Variants in CDC14A observed in about 807,000 individuals in gnomAD.
CDC14A encodes the protein dual specificity protein phosphatase CDC14A.
Under a neutral mutation model 74.4 loss-of-function variants are expected in CDC14A, and 53 were observed. The observed-to-expected ratio is 0.71, with a 90% CI of 0.57 to 0.89. CDC14A has a LOEUF of 0.89. Among genes scored for constraint, CDC14A ranks in the 40% least tolerant of loss-of-function variants. The pLI, the probability that CDC14A is intolerant of heterozygous loss-of-function variation, is 0.00. For missense variants in CDC14A, 646 were observed against 713.7 expected (o/e 0.91, Z 1.08); for synonymous variants, 247 against 258.4 (o/e 0.96, Z 0.43).
In CDC14A at chr1:100,519,658, A is replaced by G. The variant is rs1650530575; in HGVS notation, c.*1378A>G. ...CATGTTTTATGTTTTTAAAAAAGGC[A>G]TTTGAATGAATGTTTGACTCAGGTT... On this transcript the variant is annotated 3_prime_UTR_variant, in exon 16 of 16. Transcript: ENST00000336454. 1 of 152,568 alleles carries G rather than the reference A, an allele frequency of 6.6e-6. No individual in the cohort carries two copies. Among genetic ancestry groups the G allele is most frequent in the South Asian group, 2.1e-4 (1 of 4,834 alleles). The allele number at this position is 152,568 out of a possible 1,614,324, so 9.5% of individuals were successfully genotyped here.
At chr1:100,351,049 C>G (rs1468780945), upstream of CDC14A, among the ~76,000 whole-genome samples, 1 of 152,106 alleles carries the variant, frequency 6.6e-6, no homozygotes, top group Admixed American at 6.5e-5. Context: ...CAAAAATTAG[C>G]CGGGTGTGGT....
At chr1:100,490,801 T>G (rs571476446) in intron 11 of CDC14A, among the ~76,000 whole-genome samples, 1 of 152,144 alleles carries the variant, frequency 6.6e-6, no homozygotes, top group Non-Finnish European at 1.5e-5. Flanking sequence ...CATAAAAAAA[T>G]TCTACTTCCC....
chr1:100,447,607 A>T (rs934037897), intron 7 of CDC14A, among the ~76,000 whole-genome samples: 1 of 152,232 alleles, frequency 6.6e-6, no homozygotes, highest in Non-Finnish European at 1.5e-5. Context: ...TTTCAAATCT[A>T]GTTCAGAAAA....
chr1:100,491,546 C>CTATATATATATATA (rs1300450625), intron 11 of CDC14A, among the ~76,000 whole-genome samples: 1 of 39,926 alleles, frequency 2.5e-5, no homozygotes, highest in Non-Finnish European at 5.6e-5. Flanking sequence ...CTCTCTCTCT[C>CTATATATATATATA]TCTATATATA....
chr1:100,409,729 G>A (rs1462678682), intron 4 of CDC14A, among the ~76,000 whole-genome samples: 1 of 152,164 alleles, frequency 6.6e-6, no homozygotes, highest in African/African-American at 2.4e-5. Flanking sequence ...CAAGGTTGCA[G>A]TTGCAAGGCT....
intron 5 of CDC14A, among the ~76,000 whole-genome samples, chr1:100,425,403 T>C (rs1052828262): frequency 6.6e-6 from 1 of 152,190 alleles, no homozygotes; most frequent in Non-Finnish European, 1.5e-5. Flanking sequence ...GTCTTCCTCA[T>C]TCTGCTGTAA....
At position 100,469,880 on chromosome 1, in the gene CDC14A, G is replaced by C. The variant is rs574434228; in HGVS notation, c.977+1786G>C. 8.5e-5 allele frequency among the ~76,000 whole-genome samples: 13 copies of C among 152,262 alleles called. No individual in the cohort carries two copies. The South Asian group carries it at 2.3e-3, about 27-fold the overall frequency. On this transcript the variant is annotated intron_variant, in intron 10 of 15. Coordinates refer to ENST00000336454, the MANE Select transcript of CDC14A (RefSeq NM_003672.4). ...TCTCTGCCATATCTCAAAATAGTAA[G>C]AGAAGAAATTAGAGTTATGAGGCAA...
chr1:100,419,216 CTG>C (rs982044686), intron 4 of CDC14A, among the ~76,000 whole-genome samples: 11 of 152,120 alleles, frequency 7.2e-5, no homozygotes, highest in Non-Finnish European at 1.5e-4. Context: ...GAGAGACTGA[CTG>C]TGACTGTGAA....
intron 4 of CDC14A, among the ~76,000 whole-genome samples, chr1:100,423,354 AC>A (rs758519555): frequency 6.6e-6 from 1 of 152,100 alleles, no homozygotes; most frequent in South Asian, 2.1e-4. Context: ...TCTAGATCTT[AC>A]CCTGAACATC....
At chr1:100,403,043 T>C (rs990242197) in intron 4 of CDC14A, among the ~76,000 whole-genome samples, 4 of 152,112 alleles carry the variant, frequency 2.6e-5, no homozygotes, top group Non-Finnish European at 4.4e-5. Flanking sequence ...CATGGATGTG[T>C]TGGGGTAGGT....
chr1:100,387,755 C>T (rs145188500), intron 3 of CDC14A, among the ~76,000 whole-genome samples: 2 of 152,216 alleles, frequency 1.3e-5, no homozygotes, highest in East Asian at 3.9e-4. Flanking sequence ...AGAGTTCTGT[C>T]CTTTAGTTTT....
At chr1:100,499,360 G>A (rs1171541399) in intron 15 of CDC14A, 98 bp downstream of exon 15, 2 of 1,612,808 alleles carry the variant, frequency 1.2e-6, no homozygotes, top group African/African-American at 2.7e-5. Flanking sequence ...AAATTTAATA[G>A]TGCCAAGGAA....
At chr1:100,495,167 C>T (rs1234838498) in intron 12 of CDC14A, among the ~76,000 whole-genome samples, 1 of 152,194 alleles carries the variant, frequency 6.6e-6, no homozygotes, top group Non-Finnish European at 1.5e-5. Context: ...AGCTGCAAAG[C>T]AGTTATCTCT....
chr1:100,516,051 G>A (rs534132686), intron 15 of CDC14A, among the ~76,000 whole-genome samples: 1 of 152,312 alleles, frequency 6.6e-6, no homozygotes, highest in South Asian at 2.1e-4. Context: ...AAATAGTGGG[G>A]CTTGTGGTGA....
At chr1:100,437,525 A>G (rs561097150) in intron 5 of CDC14A, among the ~76,000 whole-genome samples, 75 of 152,312 alleles carry the variant, frequency 4.9e-4, no homozygotes, top group Non-Finnish European at 9.4e-4. Context: ...ATTCTATTGC[A>G]TTCCTTATTA....
chr1:100,480,453 A>G (rs1044665211), intron 10 of CDC14A, among the ~76,000 whole-genome samples: 4 of 152,174 alleles, frequency 2.6e-5, no homozygotes, highest in African/African-American at 9.6e-5. Context: ...ACTGTTCTGA[A>G]CATTGGTACA....
chr1:100,352,434 C>A, upstream of CDC14A: 1 of 997,624 alleles, frequency 1.0e-6, no homozygotes, highest in Non-Finnish European at 1.2e-6. Context: ...GGAGGAAGGT[C>A]TGGGGGCGGA....
chr1:100,446,941 C>T (rs1285057625), intron 7 of CDC14A, among the ~76,000 whole-genome samples: 6 of 152,252 alleles, frequency 3.9e-5, no homozygotes, highest in East Asian at 3.9e-4. Flanking sequence ...TCAAGCAATC[C>T]GCCCACCTTG....
intron 10 of CDC14A, 99 bp downstream of exon 10, chr1:100,468,193 A>G: frequency 7.4e-7 from 1 of 1,358,190 alleles, no homozygotes; most frequent in Non-Finnish European, 1.0e-6. Flanking sequence ...TGGTTATAAA[A>G]TGGCTGCATT....
Sources: allele counts gnomAD v4.1 joint callset (sites outside exome capture counted in the v4.1 genomes callset), GRCh38; gene constraint gnomAD v4.1.1; transcripts MANE v1.5; gene names NCBI Gene and HGNC (gene_info 2026-07-23, HGNC 2026-07-21).